Variants in ARHGAP15 observed in about 807,000 individuals in gnomAD.
The protein encoded by ARHGAP15 is rho GTPase-activating protein 15.
Under a neutral mutation model 63.7 loss-of-function variants are expected in ARHGAP15, and 51 were observed. The observed-to-expected ratio is 0.80, with a 90% CI of 0.64 to 1.01. The LOEUF (loss-of-function observed/expected upper bound fraction) is 1.01, where lower values mean the gene tolerates loss of function less well. ARHGAP15 is among the 50% of genes least tolerant of loss of function. ARHGAP15 has a pLI of 0.00. For missense variants in ARHGAP15, 560 were observed against 564.6 expected (o/e 0.99, Z 0.08); for synonymous variants, 191 against 193.8 (o/e 0.99, Z 0.12).
At chr2:143,760,639 T>C (rs1686726280) in intron 13 of ARHGAP15, among the ~76,000 whole-genome samples, 1 of 152,190 alleles carries the variant, frequency 6.6e-6, no homozygotes, top group Non-Finnish European at 1.5e-5. Context: ...TTGAAATTCA[T>C]GCAGAGGTTC....
chr2:143,177,387 CAT>C (rs1443640898), intron 2 of ARHGAP15, among the ~76,000 whole-genome samples: 2 of 152,274 alleles, frequency 1.3e-5, no homozygotes, highest in East Asian at 3.9e-4. Context: ...TCGTCAGAAA[CAT>C]AATTAGGAAA....
At chr2:143,219,810 G>A (rs1692915050) in intron 4 of ARHGAP15, among the ~76,000 whole-genome samples, 2 of 152,206 alleles carry the variant, frequency 1.3e-5, no homozygotes, top group South Asian at 4.1e-4. Context: ...TATTGAAGCT[G>A]AGGATCACTT....
chr2:143,369,743 A>C (rs1393065875), intron 6 of ARHGAP15, among the ~76,000 whole-genome samples: 1 of 152,180 alleles, frequency 6.6e-6, no homozygotes, highest in Non-Finnish European at 1.5e-5. Flanking sequence ...GTATTCTACC[A>C]GGCACTTTGC....
intron 2 of ARHGAP15, among the ~76,000 whole-genome samples, chr2:143,191,234 G>C (rs185851097): frequency 6.6e-6 from 1 of 152,234 alleles, no homozygotes; most frequent in South Asian, 2.1e-4. Flanking sequence ...ACTCATTGTC[G>C]GGGGTCATTT....
At chr2:143,734,917 CTT>C (rs1160505455) in intron 13 of ARHGAP15, among the ~76,000 whole-genome samples, 2 of 152,170 alleles carry the variant, frequency 1.3e-5, no homozygotes, top group Non-Finnish European at 2.9e-5. Context: ...AATATTCTGA[CTT>C]TATCTGAAGA....
chr2:143,448,406 A>C (rs972141000), intron 8 of ARHGAP15, among the ~76,000 whole-genome samples: 1 of 152,090 alleles, frequency 6.6e-6, no homozygotes, highest in African/African-American at 2.4e-5. Flanking sequence ...AATGGCAGAG[A>C]TAGGTAGCAC....
intron 13 of ARHGAP15, among the ~76,000 whole-genome samples, chr2:143,720,030 T>C (rs945253274): frequency 6.6e-6 from 1 of 152,112 alleles, no homozygotes; most frequent in African/African-American, 2.4e-5. Flanking sequence ...ATGTTCATTG[T>C]CATGTACGAG....
intron 1 of ARHGAP15, among the ~76,000 whole-genome samples, chr2:143,132,069 A>T (rs140375127): frequency 6.6e-6 from 1 of 152,264 alleles, no homozygotes; most frequent in South Asian, 2.1e-4. Context: ...ATTATTTAAC[A>T]TAATTAGTTT....
chr2:143,224,927 AG>A (rs1412042962), intron 4 of ARHGAP15, among the ~76,000 whole-genome samples: 1 of 152,246 alleles, frequency 6.6e-6, no homozygotes, highest in African/African-American at 2.4e-5. Flanking sequence ...CATCATTCTC[AG>A]CAACCTAACC....
chr2:143,749,538 C>T (rs187425758), intron 13 of ARHGAP15, among the ~76,000 whole-genome samples: 6 of 152,196 alleles, frequency 3.9e-5, no homozygotes, highest in East Asian at 3.9e-4. Flanking sequence ...TTAGTACTTG[C>T]GTACATTATT....
chr2:143,289,162 A>C (rs973179724), intron 6 of ARHGAP15, among the ~76,000 whole-genome samples: 1 of 151,670 alleles, frequency 6.6e-6, no homozygotes, highest in Non-Finnish European at 1.5e-5. Flanking sequence ...AACAGAAAAT[A>C]GTTGGAGTGT....
chr2:143,140,629 G>T (rs753201445), intron 1 of ARHGAP15, among the ~76,000 whole-genome samples: 7 of 152,134 alleles, frequency 4.6e-5, no homozygotes, highest in Non-Finnish European at 1.0e-4. Context: ...AAACTAGGAA[G>T]TCCTGAGAGT....
chr2:143,552,404 A>G (rs113382266), intron 10 of ARHGAP15, among the ~76,000 whole-genome samples: 32 of 152,288 alleles, frequency 2.1e-4, no homozygotes, highest in African/African-American at 6.7e-4. Context: ...AGCCAGTCAA[A>G]TCTGGTCTTA....
chr2:143,349,698 C>G (rs192778855), intron 6 of ARHGAP15, among the ~76,000 whole-genome samples: 10 of 152,222 alleles, frequency 6.6e-5, no homozygotes, highest in Non-Finnish European at 1.2e-4. Context: ...GTAGCTTTTC[C>G]TGTGTTTCAC....
chr2:143,373,650 A>C (rs7569741), intron 6 of ARHGAP15, among the ~76,000 whole-genome samples: 49,263 of 122,096 alleles, frequency 0.4, 10,095 homozygotes, highest in African/African-American at 0.55. Flanking sequence ...AAAAAAAAAA[A>C]AAAAAAAAAA....
chr2:143,348,463 T>TA lies in ARHGAP15; in HGVS notation c.475-87129dup, dbSNP rs372310127. Among the ~76,000 whole-genome samples the TA allele has an allele frequency of 5.1e-4, 78 of 151,650 alleles. 1 individual carries two copies. The highest frequency in any genetic ancestry group is 6.3e-4 in the South Asian group (3 of 4,796). On this transcript the variant is annotated intron_variant, in intron 6 of 13. Transcript: ENST00000295095. Reference sequence around the variant, plus strand: ...AATTGCACTTGCCTATTTTCAGGATTAAAAAAAAACTGTTATTTTCAATTG... The same window carrying TA: ...AATTGCACTTGCCTATTTTCAGGATTAAAAAAAAAACTGTTATTTTCAATTG...
chr2:143,344,977 T>A (rs1685206895), intron 6 of ARHGAP15, among the ~76,000 whole-genome samples: 1 of 152,124 alleles, frequency 6.6e-6, no homozygotes, highest in Non-Finnish European at 1.5e-5. Context: ...GAAGTTGATC[T>A]CTGATTTTCT....
intron 2 of ARHGAP15, among the ~76,000 whole-genome samples, chr2:143,175,093 T>C (rs570462858): frequency 6.6e-6 from 1 of 152,276 alleles, no homozygotes; most frequent in Non-Finnish European, 1.5e-5. Flanking sequence ...AGTGGTGGAC[T>C]ATGCATACAT....
At chr2:143,661,840 CCGAATATTACGCTTTT>C (rs1681803969) in intron 12 of ARHGAP15, among the ~76,000 whole-genome samples, 2 of 152,182 alleles carry the variant, frequency 1.3e-5, no homozygotes, top group African/African-American at 4.8e-5. Context: ...TCACTCCCAC[CCGAATATTACGCTTTT>C]CGGACCGGCT....
Sources: allele counts gnomAD v4.1 joint callset (sites outside exome capture counted in the v4.1 genomes callset), GRCh38; gene constraint gnomAD v4.1.1; transcripts MANE v1.5; gene names NCBI Gene and HGNC (gene_info 2026-07-23, HGNC 2026-07-21).